Variants in RPAP2 observed in about 807,000 individuals in gnomAD.
RPAP2 encodes RNA polymerase II associated protein 2, also known as putative RNA polymerase II subunit B1 CTD phosphatase RPAP2.
A neutral mutation model predicts 73.1 loss-of-function variants in RPAP2; 52 were observed. The ratio of observed to expected loss-of-function variants is 0.71; its 90% CI spans 0.57 to 0.90. The LOEUF is 0.90. Ranked by LOEUF, RPAP2 falls within the 40% of genes least tolerant of loss-of-function variation. The pLI, the probability that RPAP2 is intolerant of heterozygous loss-of-function variation, is 0.00. For missense variants in RPAP2, 598 were observed against 701.8 expected (o/e 0.85, Z 1.67); for synonymous variants, 225 against 242.1 (o/e 0.93, Z 0.65).
chr1:92,322,948 A>G (rs936391187), intron 7 of RPAP2, among the ~76,000 whole-genome samples: 2 of 147,546 alleles, frequency 1.4e-5, no homozygotes, highest in Non-Finnish European at 3.0e-5. Flanking sequence ...TATATATTAT[A>G]TATAATATAC....
rs933697372 is a variant in RPAP2 at position 92,358,911 on chromosome 1, AC to A, written c.1688+12998del. ...CTATTCATCTTTAAATTTAAAAAAA[AC>A]AAAACAGAAAAAACAAATAGACCTA... On this transcript the variant is annotated intron_variant, in intron 11 of 12. Coordinates refer to ENST00000610020, the MANE Select transcript of RPAP2 (RefSeq NM_024813.3). Among the ~76,000 whole-genome samples the A allele has an allele frequency of 1.5e-4, 23 of 152,246 alleles. 1 individual carries two copies. The South Asian group carries it at 2.9e-3, about 19-fold the overall frequency.
At chr1:92,317,304 C>T (rs763049200) in intron 6 of RPAP2, among the ~76,000 whole-genome samples, 5 of 151,982 alleles carry the variant, frequency 3.3e-5, no homozygotes, top group Admixed American at 1.3e-4. Flanking sequence ...GTCAGGAATT[C>T]GAGACCAGCC....
At chr1:92,336,931 A>G (rs1179991551) in intron 10 of RPAP2, among the ~76,000 whole-genome samples, 1 of 152,056 alleles carries the variant, frequency 6.6e-6, no homozygotes, top group Non-Finnish European at 1.5e-5. Flanking sequence ...AGAATAGAGA[A>G]TTGATATCAA....
At chr1:92,319,061 A>G (rs1652096246) in intron 6 of RPAP2, among the ~76,000 whole-genome samples, 1 of 152,186 alleles carries the variant, frequency 6.6e-6, no homozygotes, top group Non-Finnish European at 1.5e-5. Flanking sequence ...GAAAAAAGGG[A>G]GAGGTTTGTA....
chr1:92,370,751 A>G (rs1310463730), intron 11 of RPAP2, among the ~76,000 whole-genome samples: 2 of 152,296 alleles, frequency 1.3e-5, no homozygotes, highest in East Asian at 1.9e-4. Flanking sequence ...TTAATTCTTA[A>G]TAGAAGGAGA....
intron 11 of RPAP2, among the ~76,000 whole-genome samples, chr1:92,365,255 C>T (rs1464077094): frequency 2.0e-5 from 3 of 152,116 alleles, no homozygotes; most frequent in South Asian, 2.1e-4. Context: ...CTTTACTATC[C>T]GATTTCTTCC....
chr1:92,379,505 C>T (rs943258489), intron 11 of RPAP2, among the ~76,000 whole-genome samples: 1 of 152,132 alleles, frequency 6.6e-6, no homozygotes, highest in Non-Finnish European at 1.5e-5. Context: ...GTTTAAATTA[C>T]TTTTAAAATT....
rs770430332 is a variant in RPAP2 at position 92,303,969 on chromosome 1, C to A, written c.235-8C>A. On this transcript the variant is annotated splice_region_variant and splice_polypyrimidine_tract_variant and intron_variant, in intron 3 of 12. Coordinates refer to ENST00000610020, the MANE Select transcript of RPAP2 (RefSeq NM_024813.3). ...CTAGGAGGAAATAACCCTCTCATTT[C>A]ATTTTAGGGGAGGTTCATTACACCT... 2.5e-6 allele frequency: 4 copies of A among 1,581,020 alleles called. No homozygotes were observed. In the African/African-American group the frequency reaches 4.1e-5, roughly 16 times the overall value.
At chr1:92,354,294 G>A (rs920374831) in intron 11 of RPAP2, among the ~76,000 whole-genome samples, 3 of 152,274 alleles carry the variant, frequency 2.0e-5, no homozygotes, top group Middle Eastern at 3.4e-3. Context: ...GGAAGCCATA[G>A]TTGATTACAT....
Position 92,400,809 on chromosome 1 carries a change from A to G in RPAP2, c.*13798A>G, listed in dbSNP as rs1307615742. 1 of 152,206 alleles carries G rather than the reference A, an allele frequency of 6.6e-6. No homozygotes were observed. The highest frequency in any genetic ancestry group is 1.9e-4 in the East Asian group (1 of 5,198). 9.4% of individuals were successfully genotyped at this position (152,206 alleles called of 1,614,324 possible). A position where few individuals can be genotyped will look rare whatever the true frequency, so the allele number is the denominator to read the frequency against. The stretch of plus-strand genomic sequence containing the variant: ...AAATCCTCTAGGGCAGAGAAGGAAA[A>G]TTTACCAAATGGGAGAGTGTATTAG... On this transcript the variant is annotated 3_prime_UTR_variant, in exon 13 of 13. Transcript: ENST00000610020.
chr1:92,307,390 A>G, intron 6 of RPAP2, 114 bp downstream of exon 6: 1 of 652,208 alleles, frequency 1.5e-6, no homozygotes, highest in Non-Finnish European at 2.5e-6. Flanking sequence ...ACCATTTTAT[A>G]TACTTTATGG....
chr1:92,338,373 G>A (rs1011272219), intron 10 of RPAP2, among the ~76,000 whole-genome samples: 2 of 152,214 alleles, frequency 1.3e-5, no homozygotes, highest in African/African-American at 4.8e-5. Flanking sequence ...GTCCAAAGCT[G>A]AACTTGTCTG....
At position 92,400,674 on chromosome 1, in the gene RPAP2, C is replaced by A. The variant is rs1222756380; in HGVS notation, c.*13663C>A. On this transcript the variant is annotated 3_prime_UTR_variant, in exon 13 of 13. Coordinates refer to ENST00000610020, the MANE Select transcript of RPAP2 (RefSeq NM_024813.3). ...AGGTCCAGAATTTTTCTGTTTGGAG[C>A]CTTCACAATTAGTTTTAGGTTGGGA... 1 of 152,092 alleles carries A rather than the reference C, an allele frequency of 6.6e-6. No individual in the cohort carries two copies. Among genetic ancestry groups the A allele is most frequent in the Admixed American group, 6.6e-5 (1 of 15,262 alleles). 9.4% of individuals were successfully genotyped at this position (152,092 alleles called of 1,614,324 possible). A position where few individuals can be genotyped will look rare whatever the true frequency, so the allele number is the denominator to read the frequency against.
chr1:92,305,703 C>A (rs550642933), intron 5 of RPAP2, among the ~76,000 whole-genome samples: 3 of 151,984 alleles, frequency 2.0e-5, no homozygotes, highest in East Asian at 1.9e-4. Context: ...ACACAAGGAA[C>A]TTGAATGGCT....
intron 6 of RPAP2, among the ~76,000 whole-genome samples, chr1:92,310,561 G>A (rs1351042610): frequency 1.3e-5 from 2 of 151,968 alleles, no homozygotes; most frequent in South Asian, 2.1e-4. Context: ...AGAATAAATT[G>A]CATCATAATA....
At position 92,300,222 on chromosome 1, in the gene RPAP2, A is replaced by C. The variant is rs1286972115; in HGVS notation, c.102A>C (p.Gln34His). Residue 34 changes from glutamine (Q) to histidine (H), a missense_variant, in exon 2 of 13, where the codon CAA becomes CAC. Transcript: ENST00000610020. ...AGTKQTSTLKQEDASKRKAEL... is the reference protein window; with the variant it reads ...AGTKQTSTLKHEDASKRKAEL... ...CTAAACAGACAAGTACTTTGAAACA[A>C]GAAGATGCTTCTAAAAGGTATGACA... is the stretch of plus-strand genomic sequence containing the variant. The C allele has an allele frequency of 6.2e-7, 1 of 1,610,366 alleles. No homozygotes were observed. The highest frequency in any genetic ancestry group is 8.5e-7 in the Non-Finnish European group (1 of 1,176,970).
In RPAP2 at chr1:92,299,072, C is replaced by A; in HGVS notation, c.-2C>A. The A allele has an allele frequency of 6.6e-7, 1 of 1,503,936 alleles. No homozygotes were observed. The highest frequency in any genetic ancestry group is 8.9e-7 in the Non-Finnish European group (1 of 1,120,276). The allele number at this position is 1,503,936 out of a possible 1,614,324, so 93.2% of individuals were successfully genotyped here. A position where few individuals can be genotyped will look rare whatever the true frequency, so the allele number is the denominator to read the frequency against. ...TCCCCGTCCGGCAGACTACTCTCCC[C>A]CATGGCGGACTTCGCTGGGCCGTCT... On this transcript the variant is annotated 5_prime_UTR_variant, in exon 1 of 13. Transcript: ENST00000610020.
chr1:92,399,532 G>A lies in RPAP2; in HGVS notation c.*12521G>A, dbSNP rs1656264384. 6.6e-6 allele frequency: 1 copy of A among 152,140 alleles called. No individual in the cohort carries two copies. Among genetic ancestry groups the A allele is most frequent in the African/African-American group, 2.4e-5 (1 of 41,428 alleles). The allele number at this position is 152,140 out of a possible 1,614,324, so 9.4% of individuals were successfully genotyped here. On this transcript the variant is annotated 3_prime_UTR_variant, in exon 13 of 13. Transcript: ENST00000610020. ...GCCCATCTGACCCTACCTTACTGGG[G>A]TCATACAGCCAAAGCAGTGTCCACT...
chr1:92,347,794 G>A (rs1204411504), intron 11 of RPAP2, among the ~76,000 whole-genome samples: 3 of 152,114 alleles, frequency 2.0e-5, no homozygotes, highest in Non-Finnish European at 4.4e-5. Context: ...ATATAATGTA[G>A]GGAACCTCTT....
Sources: gnomAD v4.1 joint callset for allele counts (sites outside exome capture counted in the v4.1 genomes callset) on GRCh38, gnomAD v4.1.1 for gene constraint, MANE v1.5 for transcripts, NCBI Gene and HGNC (gene_info 2026-07-23, HGNC 2026-07-21) for gene names.